TET1: variants seen among roughly 807,000 people sequenced by gnomAD.
TET1 encodes tet methylcytosine dioxygenase 1, also known as methylcytosine dioxygenase TET1.
TET1 carries 13 observed loss-of-function variants against 148.7 expected under a neutral mutation model. The ratio of observed to expected loss-of-function variants is 0.09; its 90% CI spans 0.06 to 0.14. The LOEUF is 0.14. TET1 is among the 10% of genes least tolerant of loss of function. The pLI, the probability that TET1 is intolerant of heterozygous loss-of-function variation, is 1.00. For missense variants in TET1, 2,182 were observed against 2,553.8 expected (o/e 0.85, Z 3.14); for synonymous variants, 907 against 937.2 (o/e 0.97, Z 0.59).
intron 11 of TET1, among the ~76,000 whole-genome samples, chr10:68,688,319 A>G (rs188527510): frequency 8.9e-4 from 134 of 151,226 alleles, no homozygotes; most frequent in African/African-American, 3.2e-3. Flanking sequence ...ACTGGTCTCA[A>G]ACTCCTGACC....
At chr10:68,625,884 T>A (rs547160268) in intron 3 of TET1, among the ~76,000 whole-genome samples, 67 of 151,926 alleles carry the variant, frequency 4.4e-4, no homozygotes, top group African/African-American at 1.6e-3. Context: ...CCCAGGAGTT[T>A]GAGACCAGCC....
intron 3 of TET1, among the ~76,000 whole-genome samples, chr10:68,626,460 G>A (rs890145256): frequency 8.0e-5 from 12 of 150,748 alleles, no homozygotes; most frequent in South Asian, 2.1e-4. Context: ...CTCAGCCTCC[G>A]AAAGTGCTGG....
chr10:68,595,612 C>CTTTTTTTTTTTTT lies in TET1; in HGVS notation c.1915-5359_1915-5347dup, dbSNP rs71470530. On this transcript the variant is annotated intron_variant, in intron 2 of 11. Transcript: ENST00000373644. ...CACAACACACACACACACACAGCTT[C>CTTTTTTTTTTTTT]TTTTTTTTTTTTTTTTTTTTTTGAG... Among the ~76,000 whole-genome samples, 44 of 76,510 alleles carry CTTTTTTTTTTTTT rather than the reference C, an allele frequency of 5.8e-4. 3 individuals carry two copies. Among genetic ancestry groups the CTTTTTTTTTTTTT allele is most frequent in the East Asian group, 1.5e-3 (4 of 2,608 alleles). The allele number at this position is 76,510 out of a possible 152,430, so 50.2% of individuals were successfully genotyped here. A position where few individuals can be genotyped will look rare whatever the true frequency, so the allele number is the denominator to read the frequency against.
chr10:68,594,222 A>G (rs1248944017), intron 2 of TET1, among the ~76,000 whole-genome samples: 1 of 152,072 alleles, frequency 6.6e-6, no homozygotes, highest in African/African-American at 2.4e-5. Flanking sequence ...CACCATGCCC[A>G]GCCCTGTTAT....
chr10:68,682,505 CTG>C (rs1477538055), intron 9 of TET1, among the ~76,000 whole-genome samples: 1 of 152,118 alleles, frequency 6.6e-6, no homozygotes, highest in Non-Finnish European at 1.5e-5. Context: ...ATTGAAAACT[CTG>C]TGTATATGAT....
intron 6 of TET1, among the ~76,000 whole-genome samples, chr10:68,660,293 TTTTAA>T (rs1320186765): frequency 1.3e-5 from 2 of 152,122 alleles, no homozygotes; most frequent in Non-Finnish European, 2.9e-5. Context: ...TTAGTTTGGT[TTTTAA>T]TTTAATTTAA....
chr10:68,565,057 G>T (rs7922602), intron 1 of TET1, among the ~76,000 whole-genome samples: 17,112 of 152,086 alleles, frequency 0.11, 1,261 homozygotes, highest in South Asian at 0.23. Flanking sequence ...GAGAAACATT[G>T]AAATATCAGT....
rs73262462 is a variant in TET1, at chr10:68,686,681, G to A, written c.5378G>A (p.Ser1793Asn). 9.4e-4 allele frequency: 1,516 copies of A among 1,613,592 alleles called. 11 individuals carry two copies. In the African/African-American group the frequency reaches 0.018, roughly 19 times the overall value. ...AATAACTCAACAACAACAAACAACA[G>A]TAAGCCTTCGTCACTGCCAACCTTA... ...RKNNSTTTNNSKPSSLPTLGS... is the reference protein window; with the variant it reads ...RKNNSTTTNNNKPSSLPTLGS... The change falls in exon 11 of 12, where the codon AGT becomes AAT. Residue 1793 changes from serine to asparagine, a missense_variant. Coordinates refer to ENST00000373644, the MANE Select transcript of TET1 (RefSeq NM_030625.3).
intron 3 of TET1, among the ~76,000 whole-genome samples, chr10:68,642,063 A>C (rs1312169204): frequency 6.6e-6 from 1 of 152,210 alleles, no homozygotes; most frequent in African/African-American, 2.4e-5. Flanking sequence ...ACACTGTGTA[A>C]TTGGAGTTAT....
intron 3 of TET1, among the ~76,000 whole-genome samples, chr10:68,620,975 T>C (rs1473831106): frequency 6.6e-6 from 1 of 152,226 alleles, no homozygotes; most frequent in African/African-American, 2.4e-5. Context: ...CATATTTAAA[T>C]TGCGCCATTT....
chr10:68,574,173 G>A lies in TET1; in HGVS notation c.1835G>A (p.Arg612Lys). 1 of 1,613,808 alleles carries A rather than the reference G, an allele frequency of 6.2e-7. No homozygotes were observed. The highest frequency in any genetic ancestry group is 1.3e-5 in the African/African-American group (1 of 75,048). Residue 612 changes from arginine (R) to lysine (K), a missense_variant, in exon 2 of 12, where the codon AGA becomes AAA. Physicochemically the swap from Arg to Lys is conservative, Grantham distance 26 (BLOSUM62 2). Transcript: ENST00000373644. ...GGTGAATGCACTTACTGCAAGAACA[G>A]AAAGAACAGCCATCAGATCTGTAAG... The part of the protein sequence containing the change: ...NCGECTYCKN[R>K]KNSHQICKKR...
In TET1 at chr10:68,572,377, C is replaced by T; in HGVS notation, c.39C>T (p.Val13=). 1 of 1,608,340 alleles carries T rather than the reference C, an allele frequency of 6.2e-7. No individual in the cohort carries two copies. The highest frequency in any genetic ancestry group is 8.5e-7 in the Non-Finnish European group (1 of 1,178,710). ...GCCATGCAAGGCCTTCCAGATTAGT[C>T]AGGAAGGAAGATGTAAACAAAAAAA... ...RSRHARPSRL[V]RKEDVNKKKK... The change falls in exon 2 of 12, where the codon GTC becomes GTT. Residue 13 remains valine (V), a synonymous_variant. Coordinates refer to ENST00000373644, the MANE Select transcript of TET1 (RefSeq NM_030625.3).
chr10:68,675,211 T>G, intron 8 of TET1: 1 of 243,408 alleles, frequency 4.1e-6, no homozygotes, highest in Non-Finnish European at 7.8e-6. Flanking sequence ...TCAAGGAAAA[T>G]GCATATTATG....
Position 68,646,284 on chromosome 10 carries a change from A to G in TET1, c.3555A>G (p.Thr1185=), listed in dbSNP as rs2054845937. ...AAAAGTTGTCCTATATGTATGGCAC[A>G]ATATGCGACATTTGGATAGCATCGA... is the stretch of plus-strand genomic sequence containing the variant. ...KWEKLSYMYG[T]ICDIWIASKF... is the part of the protein sequence containing the mutation. Residue 1185 remains threonine (T), a synonymous_variant, in exon 4 of 12, where the codon ACA becomes ACG. Transcript: ENST00000373644. The G allele has an allele frequency of 6.2e-7, 1 of 1,614,210 alleles. No individual in the cohort carries two copies. The highest frequency in any genetic ancestry group is 8.5e-7 in the Non-Finnish European group (1 of 1,180,046).
intron 3 of TET1, among the ~76,000 whole-genome samples, chr10:68,608,118 T>C (rs1300769667): frequency 6.6e-6 from 1 of 151,974 alleles, no homozygotes; most frequent in Non-Finnish European, 1.5e-5. Context: ...TAGTAGAGAC[T>C]GGGGTTTCAT....
In TET1 at chr10:68,598,259, C is replaced by T. The variant is rs146645765; in HGVS notation, c.1915-2722C>T. On this transcript the variant is annotated intron_variant, in intron 2 of 11. Transcript: ENST00000373644. ...ACAAAAAATTAGCCAGGCGTGATGG[C>T]GCATGTCTGTAATCCCAGCTACTCG... 2.4e-3 allele frequency among the ~76,000 whole-genome samples: 370 copies of T among 152,216 alleles called. 3 individuals carry two copies. The highest frequency in any genetic ancestry group is 8.1e-3 in the African/African-American group (338 of 41,542).
chr10:68,565,170 G>A (rs973594660), intron 1 of TET1, among the ~76,000 whole-genome samples: 1 of 152,082 alleles, frequency 6.6e-6, no homozygotes, highest in African/African-American at 2.4e-5. Context: ...TAGGATCTGA[G>A]TATTTATTTG....
intron 3 of TET1, among the ~76,000 whole-genome samples, chr10:68,636,658 A>G (rs528696842): frequency 7.9e-5 from 12 of 152,294 alleles, no homozygotes; most frequent in Admixed American, 5.9e-4. Flanking sequence ...TCGGTGATAA[A>G]GTGAAAAGGA....
intron 1 of TET1, among the ~76,000 whole-genome samples, chr10:68,565,475 A>AAAAAAAAAAAT: frequency 7.7e-6 from 1 of 129,228 alleles, no homozygotes; most frequent in South Asian, 2.6e-4. Flanking sequence ...AAAAAAAAAA[A>AAAAAAAAAAAT]ATATATATAT....
Sources: gnomAD v4.1 joint callset for allele counts (sites outside exome capture counted in the v4.1 genomes callset) on GRCh38, gnomAD v4.1.1 for gene constraint, MANE v1.5 for transcripts, NCBI Gene and HGNC (gene_info 2026-07-23, HGNC 2026-07-21) for gene names.